MCM3AP: variants seen among roughly 807,000 people sequenced by gnomAD.
MCM3AP encodes the protein germinal-center associated nuclear protein.
Under a neutral mutation model 184.1 loss-of-function variants are expected in MCM3AP, and 126 were observed. The observed-to-expected ratio is 0.68, with a 90% CI of 0.59 to 0.79. MCM3AP has a LOEUF of 0.79. Among genes scored for constraint, MCM3AP ranks in the 30% least tolerant of loss-of-function variants. The probability of loss-of-function intolerance (pLI) is 0.00; values close to 1 mark genes in which losing one functional copy is unlikely to be tolerated. For synonymous variants in MCM3AP, 1,002 were observed against 979.3 expected, an observed-to-expected ratio of 1.02 and a Z score of -0.43; for missense variants, 2,496 against 2,479.2, an observed-to-expected ratio of 1.01 and a Z score of -0.14.
In MCM3AP at chr21:46,244,952, C is replaced by T; in HGVS notation, c.4893G>A (p.Leu1631=). The T allele has an allele frequency of 3.7e-6, 6 of 1,614,208 alleles. No individual in the cohort carries two copies. Among genetic ancestry groups the T allele is most frequent in the Non-Finnish European group, 5.1e-6 (6 of 1,180,028 alleles). Reference sequence around the variant, plus strand: ...CAGCAAACTCAGTGACAGGCCAGGACAGGTCACACAGCTGTTCAGAGGACA... The same window carrying T: ...CAGCAAACTCAGTGACAGGCCAGGATAGGTCACACAGCTGTTCAGAGGACA... The part of the protein sequence containing the change: ...SVVSSEQLCD[L]SWPVTEFAEA... Residue 1631 remains leucine (L), a synonymous_variant, in exon 23 of 28, where the codon CTG becomes CTA. Coordinates refer to ENST00000291688, the MANE Select transcript of MCM3AP (RefSeq NM_003906.5).
chr21:46,284,338 G>A lies in MCM3AP; in HGVS notation c.949C>T (p.Arg317Trp), dbSNP rs773514273. ...EPAEDSDPLS[R>W]GDHPPDKRPV... ...CGTTTGTCTGGAGGATGATCGCCCC[G>A]GGACAGAGGATCCGAATCTTCTGCT... Residue 317 changes from arginine to tryptophan, a missense_variant, in exon 1 of 28, where the codon CGG (arginine) becomes TGG (tryptophan). Coordinates refer to ENST00000291688, the MANE Select transcript of MCM3AP (RefSeq NM_003906.5). 7.4e-6 allele frequency: 12 copies of A among 1,614,018 alleles called. No homozygotes were observed. Among genetic ancestry groups the A allele is most frequent in the East Asian group, 2.2e-5 (1 of 44,890 alleles).
chr21:46,254,715 T>A, intron 18 of MCM3AP, 61 bp downstream of exon 18: 8 of 1,503,280 alleles, frequency 5.3e-6, no homozygotes, highest in Non-Finnish European at 6.5e-6. Context: ...GGGCTGCCAG[T>A]GTGACAGATT....
chr21:46,263,242 A>G (rs2081064571), intron 13 of MCM3AP, among the ~76,000 whole-genome samples: 1 of 151,870 alleles, frequency 6.6e-6, no homozygotes, highest in Non-Finnish European at 1.5e-5. Context: ...AGGCAGGGGA[A>G]TCGCTTGAAT....
chr21:46,245,323 G>T, intron 22 of MCM3AP, 126 bp from the exon 23 acceptor site: 1 of 805,190 alleles, frequency 1.2e-6, no homozygotes. Flanking sequence ...TCTCAACTGT[G>T]GTAGGAAGGG....
intron 6 of MCM3AP, 114 bp downstream of exon 6, chr21:46,275,072 A>T: frequency 8.3e-7 from 1 of 1,202,160 alleles, no homozygotes; most frequent in Non-Finnish European, 1.1e-6. Context: ...ATGATTGTTA[A>T]TAGCACAAAT....
chr21:46,258,096 C>A (rs1258877297), intron 16 of MCM3AP, among the ~76,000 whole-genome samples: 3 of 152,092 alleles, frequency 2.0e-5, no homozygotes, highest in African/African-American at 7.2e-5. Context: ...AGGCTCAGAG[C>A]AAAGCAGGGA....
At chr21:46,248,198 C>T (rs2080807948) in intron 20 of MCM3AP, among the ~76,000 whole-genome samples, 1 of 152,046 alleles carries the variant, frequency 6.6e-6, no homozygotes. Flanking sequence ...AGAGCCTGAC[C>T]CTATTGGCGG....
chr21:46,274,828 T>C (rs1214035218), intron 6 of MCM3AP, among the ~76,000 whole-genome samples: 2 of 151,012 alleles, frequency 1.3e-5, no homozygotes, highest in African/African-American at 4.9e-5. Flanking sequence ...CCAGCTACTC[T>C]GTAAGCTGAG....
Position 46,277,730 on chromosome 21 carries a change from C to G in MCM3AP, c.1668-13G>C. The G allele has an allele frequency of 1.3e-6, 2 of 1,528,698 alleles. No individual in the cohort carries two copies. The highest frequency in any genetic ancestry group is 1.8e-6 in the Non-Finnish European group (2 of 1,132,292). 94.7% of individuals were successfully genotyped at this position (1,528,698 alleles called of 1,614,324 possible). ...CTTCACTGGAGAGCTATAAAGTAAA[C>G]ACCACACTGAGGGCCCTCGTCCCAG... On this transcript the variant is annotated splice_polypyrimidine_tract_variant and intron_variant, in intron 4 of 27. Transcript: ENST00000291688.
intron 6 of MCM3AP, among the ~76,000 whole-genome samples, chr21:46,274,739 C>A (rs1279726840): frequency 6.6e-6 from 1 of 151,850 alleles, no homozygotes; most frequent in Non-Finnish European, 1.5e-5. Context: ...AGTTCGGGAC[C>A]AGCCTGGGCA....
intron 8 of MCM3AP, among the ~76,000 whole-genome samples, chr21:46,272,295 C>G (rs17182746): frequency 0.045 from 6,925 of 152,276 alleles, 226 homozygotes; most frequent in Non-Finnish European, 0.068. Context: ...TCCTCATTTT[C>G]TCACTGGTGA....
Position 46,235,441 on chromosome 21 carries a change from A to C in MCM3AP, c.5785-15T>G. ...ATCATGTCACTCTATTTGAATAAAA[A>C]AGAAACTGAACAGTTTTGGGATGTC... On this transcript the variant is annotated splice_polypyrimidine_tract_variant and intron_variant, in intron 27 of 27. Transcript: ENST00000291688. 1.2e-6 allele frequency: 2 copies of C among 1,613,224 alleles called. No homozygotes were observed. The highest frequency in any genetic ancestry group is 1.7e-6 in the Non-Finnish European group (2 of 1,179,426).
Position 46,280,610 on chromosome 21 carries a change from T to A in MCM3AP, c.1444-35A>T, listed in dbSNP as rs1233927953. 4 of 1,445,802 alleles carry A rather than the reference T, an allele frequency of 2.8e-6. No homozygotes were observed. In the African/African-American group the frequency reaches 5.6e-5, roughly 20 times the overall value. 89.6% of individuals were successfully genotyped at this position (1,445,802 alleles called of 1,614,324 possible). On this transcript the variant is annotated intron_variant, in intron 2 of 27. Coordinates refer to ENST00000291688, the MANE Select transcript of MCM3AP (RefSeq NM_003906.5). ...AGTCCACAACCGCCATGTGTGAGTATATCAGGAAACCAAAGGAAATGGGAT... is the reference window on the plus strand; with the variant it reads ...AGTCCACAACCGCCATGTGTGAGTAAATCAGGAAACCAAAGGAAATGGGAT...
chr21:46,241,365 C>T, intron 25 of MCM3AP: 1 of 202,698 alleles, frequency 4.9e-6, no homozygotes. Context: ...GTTCCAGATT[C>T]TGTTCTTCCC....
chr21:46,248,531 T>G (rs1176038838), intron 20 of MCM3AP, among the ~76,000 whole-genome samples: 1 of 151,354 alleles, frequency 6.6e-6, no homozygotes, highest in African/African-American at 2.4e-5. Context: ...TTTTAGGGCC[T>G]CACTCAGATA....
chr21:46,247,106 C>T, intron 20 of MCM3AP: 1 of 515,460 alleles, frequency 1.9e-6, no homozygotes, highest in Non-Finnish European at 3.4e-6. Flanking sequence ...CAATTGTTAG[C>T]AAAGACTCCC....
At chr21:46,265,111 T>A (rs2081092515) in intron 12 of MCM3AP, among the ~76,000 whole-genome samples, 1 of 152,194 alleles carries the variant, frequency 6.6e-6, no homozygotes, top group Admixed American at 6.5e-5. Flanking sequence ...AGGCCGGTGC[T>A]GTGACAGGAA....
Position 46,270,554 on chromosome 21 carries a change from T to C in MCM3AP, c.2475A>G (p.Gln825=), listed in dbSNP as rs1483755408. Residue 825 remains glutamine, a synonymous_variant, in exon 9 of 28, where the codon CAA becomes CAG. Coordinates refer to ENST00000291688, the MANE Select transcript of MCM3AP (RefSeq NM_003906.5). ...AGTTTCTAACAGCAGGATGGAACTG[T>C]TGTACTTCTCTGTTAATTAAAGGAG... ...LNKGDILREV[Q]QFHPAVRNSS... 6 of 1,601,300 alleles carry C rather than the reference T, an allele frequency of 3.7e-6. No homozygotes were observed. Among genetic ancestry groups the C allele is most frequent in the East Asian group, 2.2e-5 (1 of 44,700 alleles).
At chr21:46,280,356 G>A in intron 3 of MCM3AP, 141 bp downstream of exon 3, 1 of 821,122 alleles carries the variant, frequency 1.2e-6, no homozygotes, top group Non-Finnish European at 1.9e-6. Flanking sequence ...CCAAGAGCAT[G>A]AGAAACTGAA....
Sources: allele counts gnomAD v4.1 joint callset (sites outside exome capture counted in the v4.1 genomes callset), GRCh38; gene constraint gnomAD v4.1.1; transcripts MANE v1.5; gene names NCBI Gene and HGNC (gene_info 2026-07-23, HGNC 2026-07-21).